Variants in CTNNA3 observed in about 807,000 individuals in gnomAD.
The protein encoded by CTNNA3 is catenin alpha 3, also known as catenin alpha-3.
In CTNNA3, 76 loss-of-function variants were observed where a neutral mutation model predicts 95.7. The observed-to-expected ratio is 0.79, with a 90% CI of 0.66 to 0.96. The LOEUF (loss-of-function observed/expected upper bound fraction) is 0.96, where lower values mean the gene tolerates loss of function less well. Ranked by LOEUF, CTNNA3 falls within the 40% of genes least tolerant of loss-of-function variation. The pLI is 0.00. For missense variants in CTNNA3, 1,191 were observed against 1,089.8 expected (o/e 1.09, Z -1.31); for synonymous variants, 431 against 374.4 (o/e 1.15, Z -1.74).
At chr10:67,555,116 C>G (rs1252280558) in intron 3 of CTNNA3, among the ~76,000 whole-genome samples, 5 of 152,076 alleles carry the variant, frequency 3.3e-5, no homozygotes, top group African/African-American at 1.2e-4. Flanking sequence ...TGGTTGATAT[C>G]TCTGTTTTGG....
At chr10:66,915,067 G>A (rs924336113) in intron 7 of CTNNA3, among the ~76,000 whole-genome samples, 9 of 151,770 alleles carry the variant, frequency 5.9e-5, no homozygotes, top group Non-Finnish European at 1.2e-4. Context: ...TCCAATAGAA[G>A]TTTCAGAGAA....
chr10:67,007,677 T>A (rs1925619), intron 7 of CTNNA3, among the ~76,000 whole-genome samples: 77,781 of 151,674 alleles, frequency 0.51, 20,835 homozygotes, highest in Middle Eastern at 0.73. Context: ...ACTCAACATT[T>A]CCCACCATTT....
chr10:67,754,499 C>G (rs567528045), intron 1 of CTNNA3, among the ~76,000 whole-genome samples: 1 of 152,088 alleles, frequency 6.6e-6, no homozygotes, highest in East Asian at 1.9e-4. Flanking sequence ...TGAAACTAGA[C>G]CCCTATCTCT....
intron 7 of CTNNA3, among the ~76,000 whole-genome samples, chr10:67,019,618 T>C (rs1852868410): frequency 1.3e-5 from 2 of 152,186 alleles, no homozygotes; most frequent in African/African-American, 2.4e-5. Flanking sequence ...GGTTGAGTAA[T>C]TTGTTCCAGG....
chr10:67,262,091 T>C (rs1866637646), intron 5 of CTNNA3, among the ~76,000 whole-genome samples: 1 of 152,114 alleles, frequency 6.6e-6, no homozygotes, highest in Non-Finnish European at 1.5e-5. Flanking sequence ...TCATTCAATA[T>C]TTCAATGATC....
chr10:67,065,568 T>G (rs1002733026), intron 7 of CTNNA3, among the ~76,000 whole-genome samples: 3 of 152,086 alleles, frequency 2.0e-5, no homozygotes, highest in Non-Finnish European at 4.4e-5. Context: ...TCCTTTACAG[T>G]TAGAAATGGC....
At chr10:67,032,438 T>A (rs1853788306) in intron 7 of CTNNA3, among the ~76,000 whole-genome samples, 1 of 152,142 alleles carries the variant, frequency 6.6e-6, no homozygotes, top group African/African-American at 2.4e-5. Context: ...TATGAGTTTG[T>A]TTTACAAAAT....
At position 66,318,276 on chromosome 10, in the gene CTNNA3, A is replaced by G. The variant is rs201989336; in HGVS notation, c.1733-37655T>C. 4.7e-3 allele frequency among the ~76,000 whole-genome samples: 641 copies of G among 136,654 alleles called. 5 individuals are homozygous for G. The highest frequency in any genetic ancestry group is 0.016 in the African/African-American group (582 of 37,028). 89.7% of individuals were successfully genotyped at this position (136,654 alleles called of 152,430 possible). Reference sequence around the variant, plus strand: ...GTTGCTGGGAGATATATATATATATATGTGTGTGTGTGTGTGTGTGTGTGT... The same window carrying G: ...GTTGCTGGGAGATATATATATATATGTGTGTGTGTGTGTGTGTGTGTGTGT... On this transcript the variant is annotated intron_variant, in intron 12 of 17. Coordinates refer to ENST00000433211, the MANE Select transcript of CTNNA3 (RefSeq NM_013266.4).
intron 9 of CTNNA3, 100 bp downstream of exon 9, chr10:66,766,164 C>T (rs1220590533): frequency 2.9e-5 from 34 of 1,169,812 alleles, no homozygotes; most frequent in Admixed American, 2.5e-4. Context: ...ATTTGTAACA[C>T]GGTGTCAAAA....
chr10:66,694,263 A>G (rs1357954551), intron 9 of CTNNA3, among the ~76,000 whole-genome samples: 1 of 152,074 alleles, frequency 6.6e-6, no homozygotes, highest in Non-Finnish European at 1.5e-5. Context: ...GACACAATAA[A>G]AAATGATAAA....
chr10:67,078,457 T>C (rs1856852884), intron 7 of CTNNA3, among the ~76,000 whole-genome samples: 1 of 152,162 alleles, frequency 6.6e-6, no homozygotes, highest in Admixed American at 6.5e-5. Context: ...CCTTAAATTA[T>C]TTAGGAAAAC....
intron 7 of CTNNA3, among the ~76,000 whole-genome samples, chr10:67,047,932 G>A (rs951967091): frequency 3.9e-5 from 6 of 151,964 alleles, no homozygotes; most frequent in Non-Finnish European, 5.9e-5. Context: ...AGATAATCTT[G>A]GATTAGCAGA....
chr10:65,999,021 T>C (rs2078719202), intron 15 of CTNNA3, among the ~76,000 whole-genome samples: 1 of 152,128 alleles, frequency 6.6e-6, no homozygotes, highest in Non-Finnish European at 1.5e-5. Context: ...AATGAAAACC[T>C]GGTCTCATAG....
chr10:67,726,940 A>ATATATATTATATATAT, intron 1 of CTNNA3, among the ~76,000 whole-genome samples: 1 of 116,578 alleles, frequency 8.6e-6, no homozygotes, highest in East Asian at 2.4e-4. Flanking sequence ...ATCATATATC[A>ATATATATTATATATAT]TATATATTAT....
chr10:67,132,719 C>T (rs757031042), intron 7 of CTNNA3, among the ~76,000 whole-genome samples: 1 of 151,922 alleles, frequency 6.6e-6, no homozygotes, highest in African/African-American at 2.4e-5. Flanking sequence ...TATATATACA[C>T]AATGGAATAT....
At chr10:67,427,541 C>T (rs1006278323) in intron 5 of CTNNA3, among the ~76,000 whole-genome samples, 1 of 151,906 alleles carries the variant, frequency 6.6e-6, no homozygotes, top group Non-Finnish European at 1.5e-5. Flanking sequence ...ACTGCCTTCT[C>T]GAGATTATTT....
At chr10:67,127,540 C>T (rs1049825150) in intron 7 of CTNNA3, among the ~76,000 whole-genome samples, 48 of 152,126 alleles carry the variant, frequency 3.2e-4, no homozygotes, top group African/African-American at 1.0e-3. Context: ...AAAAGATGAC[C>T]CTATAATCAG....
intron 7 of CTNNA3, among the ~76,000 whole-genome samples, chr10:67,115,578 A>T (rs1056605940): frequency 6.6e-6 from 1 of 151,950 alleles, no homozygotes; most frequent in Non-Finnish European, 1.5e-5. Flanking sequence ...GACTTGAGTA[A>T]TTCTGAAGCC....
At chr10:67,371,114 C>T (rs374078754) in intron 5 of CTNNA3, among the ~76,000 whole-genome samples, 2 of 151,902 alleles carry the variant, frequency 1.3e-5, no homozygotes, top group East Asian at 3.9e-4. Flanking sequence ...GATCCGCCCG[C>T]CTCGGCCTCC....
Sources: allele counts gnomAD v4.1 joint callset (sites outside exome capture counted in the v4.1 genomes callset), GRCh38; gene constraint gnomAD v4.1.1; transcripts MANE v1.5; gene names NCBI Gene and HGNC (gene_info 2026-07-23, HGNC 2026-07-21).